Variants in ITGA11 observed in about 807,000 individuals in gnomAD.
ITGA11 encodes integrin alpha-11.
ITGA11 carries 97 observed loss-of-function variants against 141.9 expected under a neutral mutation model. The ratio of observed to expected loss-of-function variants is 0.68; its 90% CI spans 0.58 to 0.81. The LOEUF (loss-of-function observed/expected upper bound fraction) is 0.81, where lower values mean the gene tolerates loss of function less well. Ranked by LOEUF, ITGA11 falls within the 30% of genes least tolerant of loss-of-function variation. The pLI, the probability that ITGA11 is intolerant of heterozygous loss-of-function variation, is 0.00. For synonymous variants in ITGA11, 658 were observed against 624.6 expected, an observed-to-expected ratio of 1.05 and a Z score of -0.80; for missense variants, 1,387 against 1,559.2, an observed-to-expected ratio of 0.89 and a Z score of 1.86.
intron 9 of ITGA11, among the ~76,000 whole-genome samples, chr15:68,350,025 G>A (rs1001220284): frequency 6.6e-6 from 1 of 152,166 alleles, no homozygotes; most frequent in African/African-American, 2.4e-5. Flanking sequence ...AGCCCACCAT[G>A]CTCCCAAGCT....
In ITGA11 at chr15:68,307,242, G is replaced by A; in HGVS notation, c.3381+106C>T. 1 of 764,318 alleles carries A rather than the reference G, an allele frequency of 1.3e-6. No homozygotes were observed. Among genetic ancestry groups the A allele is most frequent in the Non-Finnish European group, 2.1e-6 (1 of 466,306 alleles). The allele number at this position is 764,318 out of a possible 1,614,324, so 47.3% of individuals were successfully genotyped here. ...AGGTCTGCCTGATTCTCTCCTGCTG[G>A]GACATGCAGCCAGGGGTTGTAGGAA... On this transcript the variant is annotated intron_variant, in intron 28 of 29. Transcript: ENST00000315757. This position sits in a 1 kb window ranked among gnomAD's most constrained non-coding sequence, Gnocchi z 6.1.
chr15:68,412,046 C>T (rs761545053), intron 1 of ITGA11, among the ~76,000 whole-genome samples: 4 of 152,246 alleles, frequency 2.6e-5, no homozygotes, highest in South Asian at 4.2e-4. Flanking sequence ...CACTCCCCCA[C>T]CCTCAGCTGA....
intron 2 of ITGA11, among the ~76,000 whole-genome samples, chr15:68,393,902 C>T (rs909770721): frequency 6.6e-5 from 10 of 151,980 alleles, no homozygotes; most frequent in African/African-American, 2.4e-4. Flanking sequence ...AAATATATGA[C>T]AAAAATAACA....
chr15:68,343,314 G>A (rs1254740319), intron 10 of ITGA11, among the ~76,000 whole-genome samples: 3 of 152,146 alleles, frequency 2.0e-5, no homozygotes, highest in Non-Finnish European at 4.4e-5. Flanking sequence ...TGAGAAGAGG[G>A]GGTGAGTACA....
rs1455577643 is a variant in ITGA11, at chr15:68,308,692, G to A, written c.3175-996C>T. Reference sequence around the variant, plus strand: ...CGGGAGGCGGAGGTCGCAGTGAGCCGAGATCGTGCCACTGCACTCCAGCTG... The same window carrying A: ...CGGGAGGCGGAGGTCGCAGTGAGCCAAGATCGTGCCACTGCACTCCAGCTG... On this transcript the variant is annotated intron_variant, in intron 26 of 29. Coordinates refer to ENST00000315757, the MANE Select transcript of ITGA11 (RefSeq NM_001004439.2). The surrounding 1 kb of genome is among the most constrained non-coding windows in gnomAD (Gnocchi z 5.2). 2.0e-5 allele frequency among the ~76,000 whole-genome samples: 3 copies of A among 151,890 alleles called. No homozygotes were observed. The highest frequency in any genetic ancestry group is 4.4e-5 in the Non-Finnish European group (3 of 68,008).
rs753525126 is a variant in ITGA11, at chr15:68,320,266, C to T, written c.2535G>A (p.Glu845=). Residue 845 remains glutamate (E), a synonymous_variant, in exon 20 of 30, where the codon GAG becomes GAA. Coordinates refer to ENST00000315757, the MANE Select transcript of ITGA11 (RefSeq NM_001004439.2). ...TGCTGTAGGCGTTCTCGCCCCTGTT[C>T]TCCAGTGTGGCCTCCACCGCCACTC... ...RQRVAVEATL[E]NRGENAYSTV... 1.9e-6 allele frequency: 3 copies of T among 1,613,932 alleles called. No individual in the cohort carries two copies. Among genetic ancestry groups the T allele is most frequent in the South Asian group, 2.2e-5 (2 of 91,090 alleles).
chr15:68,334,398 C>T (rs1894278708), intron 12 of ITGA11, among the ~76,000 whole-genome samples: 1 of 152,216 alleles, frequency 6.6e-6, no homozygotes, highest in African/African-American at 2.4e-5. Context: ...GAAGGCCGGT[C>T]ACCTGGTCAC....
chr15:68,315,522 A>G (rs1893542417), intron 22 of ITGA11, 129 bp downstream of exon 22: 1 of 799,868 alleles, frequency 1.3e-6, no homozygotes, highest in South Asian at 1.6e-5. Context: ...GCCTCCACTC[A>G]AGGTTGGGGC....
At chr15:68,400,731 TATTATATATTATATAATA>T (rs1896467641) in intron 2 of ITGA11, among the ~76,000 whole-genome samples, 1 of 24,754 alleles carries the variant, frequency 4.0e-5, no homozygotes, top group Admixed American at 7.7e-4. Flanking sequence ...ATATAATAAA[TATTATATATTATATAATA>T]AATATTATAA....
At chr15:68,338,861 C>T (rs182241684) in intron 11 of ITGA11, among the ~76,000 whole-genome samples, 4 of 152,192 alleles carry the variant, frequency 2.6e-5, no homozygotes, top group Non-Finnish European at 4.4e-5. Flanking sequence ...TGAACATCAC[C>T]CCCCTTGCCG....
At chr15:68,403,846 C>T (rs571459161) in intron 1 of ITGA11, among the ~76,000 whole-genome samples, 3 of 152,092 alleles carry the variant, frequency 2.0e-5, no homozygotes, top group East Asian at 1.9e-4. Context: ...CCATGTTGGC[C>T]GGGTTCCTGT....
chr15:68,361,799 A>G, intron 4 of ITGA11, 95 bp from the exon 5 acceptor site: 1 of 779,948 alleles, frequency 1.3e-6, no homozygotes, highest in Non-Finnish European at 2.1e-6. Flanking sequence ...TCCACGACCC[A>G]AGACAGACTT....
chr15:68,390,035 G>A (rs1042838869), intron 2 of ITGA11, among the ~76,000 whole-genome samples: 5 of 152,106 alleles, frequency 3.3e-5, no homozygotes, highest in East Asian at 1.9e-4. Context: ...AATACACAAG[G>A]GCTTAAAAAG....
intron 13 of ITGA11, 43 bp downstream of exon 13, chr15:68,332,295 T>C (rs752261380): frequency 5.1e-6 from 8 of 1,570,802 alleles, no homozygotes; most frequent in Non-Finnish European, 6.0e-6. Context: ...AAAGCAGAGG[T>C]TGGGGGCACC....
At chr15:68,342,123 A>AT (rs995696749) in intron 10 of ITGA11, among the ~76,000 whole-genome samples, 2 of 152,198 alleles carry the variant, frequency 1.3e-5, no homozygotes, top group African/African-American at 4.8e-5. Context: ...AAGCCCAGAC[A>AT]TTTTGAGTTT....
chr15:68,368,415 T>A (rs1895492351), intron 3 of ITGA11, among the ~76,000 whole-genome samples: 1 of 152,238 alleles, frequency 6.6e-6, no homozygotes, highest in Non-Finnish European at 1.5e-5. Context: ...TTTAGTGGAC[T>A]GGTGTGTGTG....
intron 2 of ITGA11, among the ~76,000 whole-genome samples, chr15:68,383,264 C>T (rs1373862764): frequency 2.0e-5 from 3 of 148,746 alleles, no homozygotes; most frequent in Non-Finnish European, 4.4e-5. Flanking sequence ...GAGCGAGGCT[C>T]TGCCTCAAAA....
rs3084605 is a variant in ITGA11, at chr15:68,345,965, GGTTTTTGTTTTT to G, written c.1131+2853_1131+2864del. ...TTGCACCATTCCTGTGCATTTGAAA[GGTTTTTGTTTTT>G]GTTTTTGTTTTTAATACTAAAGAGT... is the stretch of plus-strand genomic sequence containing the variant. On this transcript the variant is annotated intron_variant, in intron 10 of 29. Transcript: ENST00000315757. Among the ~76,000 whole-genome samples the G allele has an allele frequency of 1.0e-3, 155 of 152,242 alleles. 2 individuals are homozygous for G. The highest frequency in any genetic ancestry group is 3.6e-3 in the African/African-American group (149 of 41,498).
chr15:68,424,419 A>T (rs943068769), intron 1 of ITGA11, among the ~76,000 whole-genome samples: 2 of 152,110 alleles, frequency 1.3e-5, no homozygotes, highest in Non-Finnish European at 2.9e-5. Flanking sequence ...GGTTTACATT[A>T]TACCAGTGAT....
Sources: allele counts gnomAD v4.1 joint callset (sites outside exome capture counted in the v4.1 genomes callset), GRCh38; gene constraint gnomAD v4.1.1; non-coding constraint Gnocchi (gnomAD v3.1); transcripts MANE v1.5; gene names NCBI Gene and HGNC (gene_info 2026-07-23, HGNC 2026-07-21).